The following COL4A5 variants were observed in gnomAD, a reference collection of about 807,000 sequenced individuals.
COL4A5 encodes collagen alpha-5(IV) chain.
COL4A5 carries 26 observed loss-of-function variants against 130.2 expected under a neutral mutation model. The observed-to-expected ratio is 0.20, with a 90% CI of 0.15 to 0.28. COL4A5 has a LOEUF of 0.28. COL4A5 is among the 10% of genes least tolerant of loss of function. The probability of loss-of-function intolerance (pLI) is 1.00; values close to 1 mark genes in which losing one functional copy is unlikely to be tolerated. For missense variants in COL4A5, 1,131 were observed against 1,344.3 expected (o/e 0.84, Z 2.48); for synonymous variants, 496 against 439.6 (o/e 1.13, Z -1.60).
chrX:108,625,762 T>A lies in COL4A5; in HGVS notation c.3074T>A (p.Leu1025His). The change falls in exon 35 of 53, where the codon CTT (leucine) becomes CAT (histidine). Residue 1025 changes from leucine to histidine, a missense_variant. Transcript: ENST00000328300. ...GQPGLIGPPG[L>H]KGTIGDMGFP... ...CCAGGTCTTATAGGACCTCCTGGACTTAAAGGAACCATCGGTGATATGGGT... is the reference window on the plus strand; with the variant it reads ...CCAGGTCTTATAGGACCTCCTGGACATAAAGGAACCATCGGTGATATGGGT... The A allele has an allele frequency of 8.3e-7, 1 of 1,207,380 alleles. No individual in the cohort carries two copies. Among genetic ancestry groups the A allele is most frequent in the Non-Finnish European group, 1.1e-6 (1 of 891,571 alleles).
At chrX:108,542,089 T>C (rs928883873) in intron 2 of COL4A5, among the ~76,000 whole-genome samples, 5 of 111,989 alleles carry the variant, frequency 4.5e-5, no homozygotes, top group Non-Finnish European at 9.4e-5. Flanking sequence ...AACAGAGTAA[T>C]GGAAACTGTA....
At chrX:108,670,117 A>G (rs2031966208) in intron 41 of COL4A5, 111 bp from the exon 42 acceptor site, 1 of 841,460 alleles carries the variant, frequency 1.2e-6, no homozygotes, top group African/African-American at 2.0e-5. Flanking sequence ...TTTTAACTTG[A>G]AAGTATTTAG....
chrX:108,548,986 A>G (rs1299192447), intron 2 of COL4A5, among the ~76,000 whole-genome samples: 1 of 111,860 alleles, frequency 8.9e-6, no homozygotes, highest in Non-Finnish European at 1.9e-5. Context: ...AAATTTCTTC[A>G]GGCTAAGGGG....
chrX:108,565,367 A>G (rs2147738039), intron 4 of COL4A5, among the ~76,000 whole-genome samples: 1 of 112,172 alleles, frequency 8.9e-6, no homozygotes, highest in African/African-American at 3.2e-5. Context: ...AAAATGAACA[A>G]CATTTTGATA....
chrX:108,627,332 G>A (rs969272476), intron 36 of COL4A5: 1 of 715,106 alleles, frequency 1.4e-6, no homozygotes, highest in Non-Finnish European at 1.6e-6. Flanking sequence ...CCTCATAGAG[G>A]CCCACTGTCA....
chrX:108,552,327 T>C (rs1278283454), intron 2 of COL4A5, among the ~76,000 whole-genome samples: 1 of 112,547 alleles, frequency 8.9e-6, no homozygotes, highest in Non-Finnish European at 1.9e-5. Flanking sequence ...TCAATAGTTA[T>C]TTCCTTTTTA....
intron 36 of COL4A5, among the ~76,000 whole-genome samples, chrX:108,646,930 A>T (rs948120093): frequency 2.0e-4 from 22 of 109,331 alleles, no homozygotes; most frequent in African/African-American, 6.5e-4. Flanking sequence ...GTTCTGTTCC[A>T]TTGATCTATA....
At chrX:108,500,876 G>GT (rs2065073895) in intron 1 of COL4A5, among the ~76,000 whole-genome samples, 1 of 111,395 alleles carries the variant, frequency 9.0e-6, no homozygotes, top group African/African-American at 3.3e-5. Context: ...AGACCAACGA[G>GT]TGAGGGATGA....
At chrX:108,475,802 T>G (rs1439344766) in intron 1 of COL4A5, among the ~76,000 whole-genome samples, 1 of 112,009 alleles carries the variant, frequency 8.9e-6, no homozygotes, top group Non-Finnish European at 1.9e-5. Flanking sequence ...ACTTATAGTC[T>G]TGATCCAACC....
chrX:108,544,085 T>C (rs1159450958), intron 2 of COL4A5, among the ~76,000 whole-genome samples: 3 of 112,004 alleles, frequency 2.7e-5, no homozygotes, highest in African/African-American at 9.7e-5. Flanking sequence ...TTTTTCCTAA[T>C]TGAATACTCT....
intron 1 of COL4A5, among the ~76,000 whole-genome samples, chrX:108,474,171 C>T (rs1028947634): frequency 3.6e-5 from 4 of 111,591 alleles, no homozygotes; most frequent in Non-Finnish European, 7.5e-5. Context: ...TCACATACTA[C>T]CCACTCAACT....
At chrX:108,526,632 CT>C (rs1305251738) in intron 1 of COL4A5, among the ~76,000 whole-genome samples, 20 of 55,451 alleles carry the variant, frequency 3.6e-4, no homozygotes, top group African/African-American at 1.4e-3. Flanking sequence ...TTCTTTCTTT[CT>C]TTCTTTCTTT....
At chrX:108,633,413 CTT>C (rs2067301791) in intron 36 of COL4A5, among the ~76,000 whole-genome samples, 2 of 111,183 alleles carry the variant, frequency 1.8e-5, no homozygotes, top group African/African-American at 3.3e-5. Flanking sequence ...GAGAAACTAA[CTT>C]TATTTTTTTT....
intron 30 of COL4A5, among the ~76,000 whole-genome samples, chrX:108,616,859 T>C (rs1323346054): frequency 2.8e-5 from 3 of 109,042 alleles, no homozygotes; most frequent in East Asian, 2.8e-4. Flanking sequence ...TAGATAAATA[T>C]ATAGATATAA....
intron 1 of COL4A5, among the ~76,000 whole-genome samples, chrX:108,449,126 A>G (rs1412879248): frequency 8.9e-6 from 1 of 112,108 alleles, no homozygotes; most frequent in East Asian, 2.8e-4. Flanking sequence ...GTATACGGAC[A>G]TAAACGTAGA....
chrX:108,621,089 CTCTT>C (rs780194573), intron 31 of COL4A5, among the ~76,000 whole-genome samples: 12 of 101,958 alleles, frequency 1.2e-4, no homozygotes, highest in Non-Finnish European at 1.8e-4. Context: ...TCTCTCTTCT[CTCTT>C]TCTTTCTTTC....
chrX:108,633,291 A>G (rs560094456), intron 36 of COL4A5, among the ~76,000 whole-genome samples: 4 of 111,411 alleles, frequency 3.6e-5, no homozygotes, highest in African/African-American at 9.8e-5. Context: ...GAAGACTTCT[A>G]TATCCTGAGA....
intron 37 of COL4A5, among the ~76,000 whole-genome samples, chrX:108,661,966 A>C (rs1325699851): frequency 9.2e-6 from 1 of 109,132 alleles, no homozygotes; most frequent in Non-Finnish European, 1.9e-5. Context: ...GTACATGTGC[A>C]CAATGTGCAG....
intron 2 of COL4A5, among the ~76,000 whole-genome samples, chrX:108,553,854 A>G (rs1264772886): frequency 8.9e-6 from 1 of 112,089 alleles, no homozygotes; most frequent in African/African-American, 3.2e-5. Flanking sequence ...GAATCAACAC[A>G]TTGCAGTATA....
Sources: gnomAD v4.1 joint callset for allele counts (sites outside exome capture counted in the v4.1 genomes callset) on GRCh38, gnomAD v4.1.1 for gene constraint, MANE v1.5 for transcripts, NCBI Gene and HGNC (gene_info 2026-07-23, HGNC 2026-07-21) for gene names.